The following FAM227B variants were observed in gnomAD, a reference collection of about 807,000 sequenced individuals.
FAM227B encodes the protein family with sequence similarity 227 member B.
Under a neutral mutation model 73.8 loss-of-function variants are expected in FAM227B, and 88 were observed. The ratio of observed to expected loss-of-function variants is 1.19; its 90% CI spans 1.00 to 1.42. The LOEUF is 1.42. Among genes scored for constraint, FAM227B ranks in the 40% most tolerant of loss-of-function variants. FAM227B has a pLI of 0.00. For synonymous variants in FAM227B, 210 were observed against 190.5 expected (o/e 1.10, Z -0.84); for missense variants, 632 against 590.9 (o/e 1.07, Z -0.72).
intron 10 of FAM227B, among the ~76,000 whole-genome samples, chr15:49,528,927 G>T (rs981158961): frequency 1.5e-4 from 22 of 151,578 alleles, no homozygotes; most frequent in Non-Finnish European, 2.7e-4. Flanking sequence ...ATTTCTCAAA[G>T]AATTAAAAAT....
intron 11 of FAM227B, among the ~76,000 whole-genome samples, chr15:49,499,165 C>CAAAAAAAAAAAAAA (rs11355557): frequency 1.9e-5 from 1 of 53,008 alleles, no homozygotes; most frequent in Non-Finnish European, 3.3e-5. Context: ...GACTCCGTCT[C>CAAAAAAAAAAAAAA]AAAAAAAAAA....
intron 9 of FAM227B, among the ~76,000 whole-genome samples, chr15:49,566,225 A>G (rs540298070): frequency 5.9e-5 from 9 of 152,268 alleles, no homozygotes; most frequent in African/African-American, 1.9e-4. Flanking sequence ...GAAAAACTCT[A>G]TAATATGTTG....
intron 11 of FAM227B, among the ~76,000 whole-genome samples, chr15:49,504,325 A>G (rs1170698527): frequency 2.0e-5 from 3 of 151,672 alleles, no homozygotes; most frequent in Non-Finnish European, 4.4e-5. Flanking sequence ...TACCCAATGT[A>G]AATGACGAGT....
intron 5 of FAM227B, 127 bp from the exon 6 acceptor site, chr15:49,577,791 C>T (rs2075555175): frequency 4.0e-6 from 2 of 503,932 alleles, no homozygotes. Context: ...CTACAGAGGC[C>T]TAAAATACTA....
intron 9 of FAM227B, among the ~76,000 whole-genome samples, chr15:49,544,213 T>C (rs1190486635): frequency 1.3e-5 from 2 of 152,156 alleles, no homozygotes; most frequent in Non-Finnish European, 2.9e-5. Flanking sequence ...TTCACCTCCT[T>C]GGTTAGGTAT....
chr15:49,365,896 G>T, intron 13 of FAM227B: 1 of 960,072 alleles, frequency 1.0e-6, no homozygotes, highest in Non-Finnish European at 1.7e-6. Flanking sequence ...TGCAGCAAGA[G>T]AGTTGTACAG....
intron 11 of FAM227B, among the ~76,000 whole-genome samples, chr15:49,405,768 G>T (rs1462165143): frequency 6.6e-6 from 1 of 152,170 alleles, no homozygotes; most frequent in African/African-American, 2.4e-5. Flanking sequence ...ATCTCAGCCT[G>T]GTTCAGAACC....
intron 11 of FAM227B, among the ~76,000 whole-genome samples, chr15:49,402,382 T>C (rs1228445226): frequency 6.6e-6 from 1 of 152,232 alleles, no homozygotes; most frequent in East Asian, 1.9e-4. Context: ...CATGGCCATT[T>C]TCACAATATT....
intron 11 of FAM227B, among the ~76,000 whole-genome samples, chr15:49,470,121 A>T (rs1226847176): frequency 2.6e-5 from 4 of 152,286 alleles, no homozygotes; most frequent in South Asian, 4.1e-4. Context: ...AGACCACGGT[A>T]TTATGATCAA....
chr15:49,342,439 G>T (rs1282680873), intron 13 of FAM227B, among the ~76,000 whole-genome samples: 1 of 151,982 alleles, frequency 6.6e-6, no homozygotes, highest in Non-Finnish European at 1.5e-5. Flanking sequence ...TTGTAAAAAG[G>T]GTCTCTTGAA....
At chr15:49,397,222 C>A (rs977544464) in intron 11 of FAM227B, among the ~76,000 whole-genome samples, 4 of 151,900 alleles carry the variant, frequency 2.6e-5, no homozygotes, top group African/African-American at 4.8e-5. Context: ...GGAGCCGACG[C>A]GATCAACTAG....
At chr15:49,350,743 C>G (rs2042121674) in intron 13 of FAM227B, among the ~76,000 whole-genome samples, 1 of 152,132 alleles carries the variant, frequency 6.6e-6, no homozygotes, top group African/African-American at 2.4e-5. Context: ...ACACAGGAAG[C>G]TTCTCTCTTA....
At chr15:49,415,292 G>A (rs1438690810) in intron 11 of FAM227B, among the ~76,000 whole-genome samples, 1 of 152,114 alleles carries the variant, frequency 6.6e-6, no homozygotes. Flanking sequence ...AATTGCACAA[G>A]GTCTTTGTGT....
chr15:49,538,520 G>GTACT (rs1322919661), intron 10 of FAM227B, among the ~76,000 whole-genome samples: 1 of 152,062 alleles, frequency 6.6e-6, no homozygotes, highest in Non-Finnish European at 1.5e-5. Flanking sequence ...GGGTACCAGG[G>GTACT]GGTGCAAATG....
At chr15:49,435,508 T>C (rs2051022836) in intron 11 of FAM227B, among the ~76,000 whole-genome samples, 1 of 151,574 alleles carries the variant, frequency 6.6e-6, no homozygotes, top group South Asian at 2.1e-4. Context: ...GATATGTCTT[T>C]GTTTTTGCAA....
chr15:49,391,283 A>C (rs867625500), intron 11 of FAM227B, among the ~76,000 whole-genome samples: 2 of 152,066 alleles, frequency 1.3e-5, no homozygotes, highest in African/African-American at 4.8e-5. Flanking sequence ...CAGAACAGAG[A>C]CCCCTCTTAG....
chr15:49,557,728 G>A (rs1202796956), intron 9 of FAM227B, among the ~76,000 whole-genome samples: 1 of 152,158 alleles, frequency 6.6e-6, no homozygotes, highest in African/African-American at 2.4e-5. Flanking sequence ...ATACTTCTGT[G>A]ATAGACCTTT....
At chr15:49,479,608 T>G (rs1191528600) in intron 11 of FAM227B, among the ~76,000 whole-genome samples, 1 of 127,034 alleles carries the variant, frequency 7.9e-6, no homozygotes, top group African/African-American at 3.4e-5. Context: ...TGTTTTTTTT[T>G]TTTTTTTTTT....
intron 11 of FAM227B, among the ~76,000 whole-genome samples, chr15:49,429,588 A>T (rs547442410): frequency 1.3e-5 from 2 of 152,052 alleles, no homozygotes; most frequent in East Asian, 3.9e-4. Context: ...CAGCTCTTAG[A>T]TATATTGAAA....
Sources: gnomAD v4.1 joint callset for allele counts (sites outside exome capture counted in the v4.1 genomes callset) on GRCh38, gnomAD v4.1.1 for gene constraint, MANE v1.5 for transcripts, NCBI Gene and HGNC (gene_info 2026-07-23, HGNC 2026-07-21) for gene names.